OTUD7A: variants seen among roughly 807,000 people sequenced by gnomAD.
OTUD7A encodes OTU deubiquitinase 7A, also known as OTU domain-containing protein 7A.
Under a neutral mutation model 65.7 loss-of-function variants are expected in OTUD7A, and 12 were observed. The observed-to-expected ratio is 0.18, with a 90% CI of 0.12 to 0.30. The LOEUF is 0.30. Ranked by LOEUF, OTUD7A falls within the 10% of genes least tolerant of loss-of-function variation. The pLI is 1.00. For synonymous variants in OTUD7A, 641 were observed against 586.3 expected, an observed-to-expected ratio of 1.09 and a Z score of -1.35; for missense variants, 1,148 against 1,304.8, an observed-to-expected ratio of 0.88 and a Z score of 1.85.
chr15:31,716,506 C>T (rs1485157856), intron 1 of OTUD7A, among the ~76,000 whole-genome samples: 6 of 122,480 alleles, frequency 4.9e-5, no homozygotes, highest in African/African-American at 1.3e-4. Flanking sequence ...AACAGGACAG[C>T]GGGGAGCATG....
At chr15:31,565,828 G>C (rs1888851241) in intron 4 of OTUD7A, among the ~76,000 whole-genome samples, 2 of 152,162 alleles carry the variant, frequency 1.3e-5, no homozygotes, top group Non-Finnish European at 2.9e-5. Flanking sequence ...AGCAAAACCA[G>C]ATTCTTTGCT....
intron 1 of OTUD7A, among the ~76,000 whole-genome samples, chr15:31,859,305 C>T (rs1372477158): frequency 6.6e-6 from 1 of 152,124 alleles, no homozygotes; most frequent in Admixed American, 6.5e-5. Context: ...TCAATGTATG[C>T]CTTACCTCAC....
At chr15:31,686,699 T>C (rs529510943) in intron 1 of OTUD7A, among the ~76,000 whole-genome samples, 1 of 152,310 alleles carries the variant, frequency 6.6e-6, no homozygotes, top group South Asian at 2.1e-4. Flanking sequence ...CCTCCGGTCC[T>C]GGCAAACCCC....
At position 31,755,528 on chromosome 15, in the gene OTUD7A, T is replaced by C. The variant is rs529273810; in HGVS notation, c.-99-98451A>G. 2.6e-5 allele frequency among the ~76,000 whole-genome samples: 4 copies of C among 152,294 alleles called. No homozygotes were observed. In the East Asian group the frequency reaches 7.8e-4, roughly 30 times the overall value. ...CGAGGTCAGGAGATCGAGACCATTC[T>C]GGCTAACACGGTGAAACCCCGTCTC... On this transcript the variant is annotated intron_variant, in intron 1 of 12. Coordinates refer to ENST00000307050, the MANE Select transcript of OTUD7A (RefSeq NM_001382637.1).
intron 1 of OTUD7A, among the ~76,000 whole-genome samples, chr15:31,678,714 G>C (rs1892646891): frequency 6.6e-6 from 1 of 152,216 alleles, no homozygotes; most frequent in South Asian, 2.1e-4. Context: ...GAAATGCTTG[G>C]ATGTCCAGGC....
chr15:31,751,587 T>G (rs1889677892), intron 1 of OTUD7A, among the ~76,000 whole-genome samples: 2 of 152,102 alleles, frequency 1.3e-5, no homozygotes, highest in Non-Finnish European at 2.9e-5. Flanking sequence ...GAAAATAAAT[T>G]GTACTACCCA....
At chr15:31,686,977 GTGTGTAGCTTCTAAAATAACCTATATT>G (rs1422617945) in intron 1 of OTUD7A, among the ~76,000 whole-genome samples, 1 of 152,084 alleles carries the variant, frequency 6.6e-6, no homozygotes, top group African/African-American at 2.4e-5. Flanking sequence ...ATTCATATTC[GTGTGTAGCTTCTAAAATAACCTATATT>G]TTCACAAACT....
At chr15:31,610,426 G>A (rs868061321) in intron 3 of OTUD7A, among the ~76,000 whole-genome samples, 1 of 151,402 alleles carries the variant, frequency 6.6e-6, no homozygotes, top group South Asian at 2.1e-4. Flanking sequence ...AAGAAACAAT[G>A]GATTTAAACT....
chr15:31,598,263 G>A (rs1029091201), intron 3 of OTUD7A, among the ~76,000 whole-genome samples: 1 of 152,206 alleles, frequency 6.6e-6, no homozygotes, highest in Non-Finnish European at 1.5e-5. Context: ...TGAGATCGAC[G>A]CAGAAGGCAG....
chr15:31,478,342 A>C lies in OTUD7A; in HGVS notation c.*4952T>G, dbSNP rs2041056731. 7.1e-6 allele frequency: 1 copy of C among 141,136 alleles called. No homozygotes were observed. Among genetic ancestry groups the C allele is most frequent in the Non-Finnish European group, 1.6e-5 (1 of 62,008 alleles). The allele number at this position is 141,136 out of a possible 1,614,324, so 8.7% of individuals were successfully genotyped here. A position where few individuals can be genotyped will look rare whatever the true frequency, so the allele number is the denominator to read the frequency against. On this transcript the variant is annotated 3_prime_UTR_variant, in exon 13 of 13. Coordinates refer to ENST00000307050, the MANE Select transcript of OTUD7A (RefSeq NM_001382637.1). ...CTCTTCGCCTTATGTTAAACTAACA[A>C]ATTATGTATATATATATCCTTGATA...
chr15:31,670,994 C>CA (rs780415699), intron 1 of OTUD7A, among the ~76,000 whole-genome samples: 10,974 of 138,168 alleles, frequency 0.079, 912 homozygotes, highest in African/African-American at 0.22. Flanking sequence ...GACTCCGTCT[C>CA]AAAAAAAAAA....
intron 3 of OTUD7A, among the ~76,000 whole-genome samples, chr15:31,641,402 A>G (rs920961272): frequency 6.6e-6 from 1 of 152,194 alleles, no homozygotes; most frequent in Non-Finnish European, 1.5e-5. Context: ...CCAATTTTTC[A>G]AAGTTTGTTT....
At chr15:31,780,697 A>C (rs1895515540) in intron 1 of OTUD7A, among the ~76,000 whole-genome samples, 1 of 152,238 alleles carries the variant, frequency 6.6e-6, no homozygotes, top group South Asian at 2.1e-4. Context: ...AGAAGCAAGA[A>C]AGAGCTTCTC....
chr15:31,816,507 G>A (rs572670139), intron 1 of OTUD7A, among the ~76,000 whole-genome samples: 26 of 148,560 alleles, frequency 1.8e-4, no homozygotes, highest in Middle Eastern at 6.8e-3. Flanking sequence ...TGGCTAACAC[G>A]GTGAAACCCC....
At chr15:31,783,387 G>T (rs1209231027) in intron 1 of OTUD7A, among the ~76,000 whole-genome samples, 1 of 152,186 alleles carries the variant, frequency 6.6e-6, no homozygotes, top group East Asian at 1.9e-4. Context: ...ATCATTCTAA[G>T]GAGAGATTTG....
intron 3 of OTUD7A, among the ~76,000 whole-genome samples, chr15:31,602,835 A>C (rs1890121955): frequency 6.6e-6 from 1 of 152,166 alleles, no homozygotes; most frequent in South Asian, 2.1e-4. Context: ...GTGAACTCCC[A>C]TTCACAATTG....
At chr15:31,821,545 T>A (rs1315336877) in intron 1 of OTUD7A, among the ~76,000 whole-genome samples, 2 of 152,100 alleles carry the variant, frequency 1.3e-5, no homozygotes, top group Non-Finnish European at 1.5e-5. Context: ...GGGCCTTGGA[T>A]TGGTTCTAGT....
Position 31,808,136 on chromosome 15 carries a change from C to CACAAAAAA in OTUD7A, c.-100+62370_-100+62371insTTTTTTGT, listed in dbSNP as rs772574742. Among the ~76,000 whole-genome samples, 104 of 119,508 alleles carry CACAAAAAA rather than the reference C, an allele frequency of 8.7e-4. 1 individual carries two copies. Among genetic ancestry groups the CACAAAAAA allele is most frequent in the African/African-American group, 2.5e-3 (90 of 35,732 alleles). The allele number at this position is 119,508 out of a possible 152,430, so 78.4% of individuals were successfully genotyped here. On this transcript the variant is annotated intron_variant, in intron 1 of 12. Transcript: ENST00000307050. The stretch of plus-strand genomic sequence containing the variant: ...ACACACACACACACACACACACACA[C>CACAAAAAA]AAACAAATCCTCACCAGGTTTTTCC...
At chr15:31,620,142 T>G (rs1356831460) in intron 3 of OTUD7A, among the ~76,000 whole-genome samples, 1 of 152,192 alleles carries the variant, frequency 6.6e-6, no homozygotes, top group African/African-American at 2.4e-5. Context: ...GGACAAGCTT[T>G]TTGAGGTGCT....
Sources: gnomAD v4.1 joint callset for allele counts (sites outside exome capture counted in the v4.1 genomes callset) on GRCh38, gnomAD v4.1.1 for gene constraint, MANE v1.5 for transcripts, NCBI Gene and HGNC (gene_info 2026-07-23, HGNC 2026-07-21) for gene names.